The following ATP8B4 variants were observed in gnomAD, a reference collection of about 807,000 sequenced individuals.
The protein encoded by ATP8B4 is ATPase phospholipid transporting 8B4 (putative).
In ATP8B4, 133 loss-of-function variants were observed where a neutral mutation model predicts 145.6. The observed-to-expected ratio is 0.91, with a 90% CI of 0.79 to 1.05. ATP8B4 has a LOEUF of 1.05. Among genes scored for constraint, ATP8B4 ranks in the 50% least tolerant of loss-of-function variants. The pLI, the probability that ATP8B4 is intolerant of heterozygous loss-of-function variation, is 0.00. For synonymous variants in ATP8B4, 507 were observed against 492.9 expected, an observed-to-expected ratio of 1.03 and a Z score of -0.38; for missense variants, 1,458 against 1,425.2, an observed-to-expected ratio of 1.02 and a Z score of -0.37.
intron 6 of ATP8B4, among the ~76,000 whole-genome samples, chr15:50,011,283 C>T (rs1281870231): frequency 6.6e-6 from 1 of 152,156 alleles, no homozygotes; most frequent in East Asian, 1.9e-4. Flanking sequence ...ATTGCCATTG[C>T]CTCAGAAGTC....
intron 20 of ATP8B4, among the ~76,000 whole-genome samples, chr15:49,909,376 T>A (rs2038979175): frequency 1.3e-5 from 2 of 152,192 alleles, no homozygotes; most frequent in South Asian, 4.1e-4. Flanking sequence ...AACACCAGCA[T>A]AGGCTATTTG....
At chr15:49,977,661 CAG>C (rs2045789349) in intron 12 of ATP8B4, among the ~76,000 whole-genome samples, 3 of 152,008 alleles carry the variant, frequency 2.0e-5, no homozygotes, top group East Asian at 3.9e-4. Flanking sequence ...GAAAAGTATT[CAG>C]AGTTTTAAGG....
chr15:49,935,784 G>C (rs2041684893), intron 14 of ATP8B4, among the ~76,000 whole-genome samples: 1 of 151,934 alleles, frequency 6.6e-6, no homozygotes, highest in Non-Finnish European at 1.5e-5. Context: ...GAAGATTTAA[G>C]TCATTTACTT....
chr15:49,996,838 A>G (rs2047470860), intron 8 of ATP8B4, 79 bp from the exon 9 acceptor site: 5 of 1,117,062 alleles, frequency 4.5e-6, no homozygotes, highest in Admixed American at 1.9e-5. Flanking sequence ...AGGTGGGTGT[A>G]GCACATGCAA....
At chr15:49,980,534 T>A (rs773709587) in intron 11 of ATP8B4, among the ~76,000 whole-genome samples, 1 of 152,114 alleles carries the variant, frequency 6.6e-6, no homozygotes, top group African/African-American at 2.4e-5. Context: ...ATGTTTTTGG[T>A]AAACGAGTAG....
At chr15:49,888,341 T>G (rs879526670) in intron 23 of ATP8B4, among the ~76,000 whole-genome samples, 1 of 152,172 alleles carries the variant, frequency 6.6e-6, no homozygotes, top group Non-Finnish European at 1.5e-5. Flanking sequence ...CTTTCCAAAC[T>G]TTTTGTTGCT....
chr15:49,930,968 T>C, intron 16 of ATP8B4, 151 bp downstream of exon 16: 1 of 792,020 alleles, frequency 1.3e-6, no homozygotes, highest in Non-Finnish European at 2.0e-6. Flanking sequence ...CACTGCAGTA[T>C]TGAGGCTAGG....
intron 14 of ATP8B4, among the ~76,000 whole-genome samples, chr15:49,936,727 T>TTTGG (rs2041764123): frequency 7.7e-6 from 1 of 129,420 alleles, no homozygotes; most frequent in Non-Finnish European, 1.8e-5. Context: ...TTCATTATTT[T>TTTGG]TTGGTTGTTT....
intron 25 of ATP8B4, among the ~76,000 whole-genome samples, chr15:49,871,169 A>C (rs2033611790): frequency 6.6e-6 from 1 of 152,242 alleles, no homozygotes; most frequent in Admixed American, 6.5e-5. Flanking sequence ...CTTCTTGTTA[A>C]GTCTGTTTTC....
intron 9 of ATP8B4, among the ~76,000 whole-genome samples, chr15:49,989,884 C>T (rs1010929678): frequency 1.3e-5 from 2 of 152,156 alleles, no homozygotes; most frequent in Non-Finnish European, 2.9e-5. Flanking sequence ...GAAGGGAGCA[C>T]TGTATTCACC....
chr15:50,072,847 C>T (rs2153633625), intron 3 of ATP8B4, among the ~76,000 whole-genome samples: 1 of 147,854 alleles, frequency 6.8e-6, no homozygotes, highest in African/African-American at 2.5e-5. Flanking sequence ...GTCTCGAACC[C>T]CTGACCTTGT....
chr15:50,084,947 T>C (rs970466959), intron 2 of ATP8B4, among the ~76,000 whole-genome samples: 1 of 152,176 alleles, frequency 6.6e-6, no homozygotes, highest in Non-Finnish European at 1.5e-5. Context: ...ATCCACAAAG[T>C]TCCTTTTGCC....
chr15:49,943,951 G>A (rs910619892), intron 14 of ATP8B4, among the ~76,000 whole-genome samples: 1 of 152,096 alleles, frequency 6.6e-6, no homozygotes, highest in African/African-American at 2.4e-5. Flanking sequence ...TGCAAATTGT[G>A]ACATTTAAAA....
chr15:49,969,377 G>A lies in ATP8B4; in HGVS notation c.1243+3205C>T, dbSNP rs568806681. ...GATTAACAAAATAGACAGACCACTA[G>A]CCAGAATAATAAAGAAGGAAAGAGA... On this transcript the variant is annotated intron_variant, in intron 13 of 27. Transcript: ENST00000284509. Among the ~76,000 whole-genome samples the A allele has an allele frequency of 4.0e-5, 6 of 151,742 alleles. No individual in the cohort carries two copies. In the East Asian group the frequency reaches 1.2e-3, roughly 29 times the overall value.
At chr15:50,071,995 A>G (rs1040242505) in intron 3 of ATP8B4, among the ~76,000 whole-genome samples, 1 of 151,556 alleles carries the variant, frequency 6.6e-6, no homozygotes, top group Non-Finnish European at 1.5e-5. Flanking sequence ...AAAAAAGAGA[A>G]ATTTAAGCTA....
intron 1 of ATP8B4, among the ~76,000 whole-genome samples, chr15:50,129,453 C>T (rs1005571440): frequency 4.6e-5 from 7 of 152,116 alleles, no homozygotes; most frequent in Non-Finnish European, 1.0e-4. Context: ...TAGACCCATC[C>T]CTCCACACTC....
chr15:50,100,471 A>G (rs890515722), intron 2 of ATP8B4, among the ~76,000 whole-genome samples: 37 of 152,246 alleles, frequency 2.4e-4, no homozygotes, highest in African/African-American at 8.2e-4. Context: ...ATTTTATTGA[A>G]TTATAAAAAG....
intron 8 of ATP8B4, among the ~76,000 whole-genome samples, chr15:50,000,805 CTATT>C (rs1177190054): frequency 6.6e-6 from 1 of 152,106 alleles, no homozygotes; most frequent in Non-Finnish European, 1.5e-5. Flanking sequence ...AGATTTCCTC[CTATT>C]TTTTTCCTCA....
intron 5 of ATP8B4, among the ~76,000 whole-genome samples, chr15:50,043,512 C>G (rs1020181885): frequency 6.6e-6 from 1 of 152,138 alleles, no homozygotes; most frequent in Non-Finnish European, 1.5e-5. Context: ...CCTCCTCTTC[C>G]TCTTCCTCCT....
Sources: allele counts gnomAD v4.1 joint callset (sites outside exome capture counted in the v4.1 genomes callset), GRCh38; gene constraint gnomAD v4.1.1; transcripts MANE v1.5; gene names NCBI Gene and HGNC (gene_info 2026-07-23, HGNC 2026-07-21).